The following TNRC6B variants were observed in gnomAD, a reference collection of about 807,000 sequenced individuals.
TNRC6B encodes the protein trinucleotide repeat containing adaptor 6B.
A neutral mutation model predicts 203.6 loss-of-function variants in TNRC6B; 52 were observed. The observed-to-expected ratio is 0.26, with a 90% confidence interval of 0.20 to 0.32. TNRC6B has a LOEUF of 0.32. Ranked by LOEUF, TNRC6B falls within the 10% of genes least tolerant of loss-of-function variation. TNRC6B has a pLI of 1.00. For synonymous variants in TNRC6B, 838 were observed against 845.7 expected, an observed-to-expected ratio of 0.99 and a Z score of 0.16; for missense variants, 1,923 against 2,286.2, an observed-to-expected ratio of 0.84 and a Z score of 3.24.
At chr22:40,134,258 C>A (rs2146332267) in intron 3 of TNRC6B, among the ~76,000 whole-genome samples, 1 of 152,306 alleles carries the variant, frequency 6.6e-6, no homozygotes, top group African/African-American at 2.4e-5. Context: ...CATTTTTATA[C>A]TTTGTACCCT....
intron 1 of TNRC6B, among the ~76,000 whole-genome samples, chr22:40,093,792 T>C (rs1224818384): frequency 6.6e-6 from 1 of 152,244 alleles, no homozygotes; most frequent in Non-Finnish European, 1.5e-5. Flanking sequence ...GTTGTTTAAC[T>C]TCTCCGTTTC....
At chr22:40,071,616 C>T (rs1355898070) in intron 1 of TNRC6B, among the ~76,000 whole-genome samples, 2 of 152,162 alleles carry the variant, frequency 1.3e-5, no homozygotes, top group Non-Finnish European at 2.9e-5. Flanking sequence ...TACTGCGCCC[C>T]TCACTCCTCC....
intron 1 of TNRC6B, among the ~76,000 whole-genome samples, chr22:40,239,202 CAAAAA>C (rs990576695): frequency 2.6e-5 from 4 of 152,042 alleles, no homozygotes; most frequent in African/African-American, 9.7e-5. Context: ...GACTCCATCT[CAAAAA>C]GAAAAGAAAA....
chr22:40,315,761 G>A (rs2071249113), intron 20 of TNRC6B, among the ~76,000 whole-genome samples, 181 bp from the exon 21 acceptor site: 1 of 151,992 alleles, frequency 6.6e-6, no homozygotes, highest in Admixed American at 6.5e-5. Context: ...TTGCAAATCA[G>A]GCATAAAAGT....
chr22:40,238,155 A>G (rs2069973641), intron 1 of TNRC6B, among the ~76,000 whole-genome samples: 1 of 152,130 alleles, frequency 6.6e-6, no homozygotes, highest in African/African-American at 2.4e-5. Flanking sequence ...TGCCACGGAC[A>G]TAGGGCAGGG....
intron 1 of TNRC6B, among the ~76,000 whole-genome samples, chr22:40,192,374 T>C (rs1200216724): frequency 1.3e-5 from 2 of 152,042 alleles, no homozygotes; most frequent in African/African-American, 4.8e-5. Flanking sequence ...TCCCAGCACT[T>C]TGGGAGGCTA....
At chr22:40,079,413 G>A (rs1357099458) in intron 1 of TNRC6B, among the ~76,000 whole-genome samples, 1 of 151,868 alleles carries the variant, frequency 6.6e-6, no homozygotes, top group Non-Finnish European at 1.5e-5. Context: ...CCTGAATGTT[G>A]GTAAGCAAGC....
At chr22:40,072,909 A>C (rs1029292688) in intron 1 of TNRC6B, among the ~76,000 whole-genome samples, 2 of 149,500 alleles carry the variant, frequency 1.3e-5, no homozygotes, top group Admixed American at 6.7e-5. Flanking sequence ...CAGTGGAGGT[A>C]TAGAGCATTG....
intron 16 of TNRC6B, among the ~76,000 whole-genome samples, chr22:40,309,549 T>C (rs1402048851): frequency 6.6e-6 from 1 of 152,242 alleles, no homozygotes; most frequent in African/African-American, 2.4e-5. Context: ...TTTATTGAAA[T>C]TGTAAAATCT....
Position 40,327,967 on chromosome 22 carries a change from A to C in TNRC6B, c.*4726A>C, listed in dbSNP as rs1384877066. ...CCACACGAGTAGCCAAAAGAAAAGAAGCACTAATAGAGAAAGGGGTGTCTC... is the reference window on the plus strand; with the variant it reads ...CCACACGAGTAGCCAAAAGAAAAGACGCACTAATAGAGAAAGGGGTGTCTC... On this transcript the variant is annotated 3_prime_UTR_variant, in exon 23 of 23. Coordinates refer to ENST00000454349, the MANE Select transcript of TNRC6B (RefSeq NM_001162501.2). The C allele has an allele frequency of 1.3e-5, 2 of 152,168 alleles. No individual in the cohort carries two copies. The highest frequency in any genetic ancestry group is 4.8e-5 in the African/African-American group (2 of 41,432). 9.4% of individuals were successfully genotyped at this position (152,168 alleles called of 1,614,324 possible).
intron 10 of TNRC6B, 78 bp from the exon 11 acceptor site, chr22:40,281,039 TTC>T (rs2070715778): frequency 2.5e-6 from 3 of 1,198,808 alleles, no homozygotes; most frequent in South Asian, 1.7e-5. Flanking sequence ...TTGCTAGTGT[TTC>T]TCTCTTTTCC....
At chr22:40,226,638 C>T (rs1297620946) in intron 1 of TNRC6B, among the ~76,000 whole-genome samples, 2 of 152,210 alleles carry the variant, frequency 1.3e-5, no homozygotes. Flanking sequence ...GATATGCATC[C>T]TCCTAGAGTT....
intron 1 of TNRC6B, among the ~76,000 whole-genome samples, chr22:40,202,771 G>A (rs924032130): frequency 2.6e-5 from 4 of 152,074 alleles, no homozygotes; most frequent in Admixed American, 1.3e-4. Flanking sequence ...AGTAGACTGC[G>A]TGGAGGGGAT....
chr22:40,253,844 A>G (rs1457585454), intron 3 of TNRC6B, among the ~76,000 whole-genome samples: 2 of 151,996 alleles, frequency 1.3e-5, no homozygotes, highest in Non-Finnish European at 2.9e-5. Context: ...ACCTCAGCTG[A>G]CATGTCTGGG....
At chr22:40,263,291 C>A (rs2070415375) in intron 4 of TNRC6B, among the ~76,000 whole-genome samples, 1 of 152,182 alleles carries the variant, frequency 6.6e-6, no homozygotes, top group South Asian at 2.1e-4. Context: ...AAAATTTGGT[C>A]ACCATCTTGC....
At chr22:40,199,658 C>A (rs2069384320) in intron 1 of TNRC6B, among the ~76,000 whole-genome samples, 1 of 152,092 alleles carries the variant, frequency 6.6e-6, no homozygotes, top group African/African-American at 2.4e-5. Flanking sequence ...GATCTTTTTA[C>A]TATAAAGGCT....
chr22:40,315,611 T>C (rs1388065239), intron 20 of TNRC6B, 104 bp downstream of exon 20: 8 of 1,283,070 alleles, frequency 6.2e-6, no homozygotes, highest in Non-Finnish European at 8.6e-6. Flanking sequence ...GAGGAAGTCA[T>C]GGTTGTCTGC....
At chr22:40,177,082 T>G (rs1023348768), upstream of TNRC6B, among the ~76,000 whole-genome samples, 2 of 151,878 alleles carry the variant, frequency 1.3e-5, no homozygotes, top group Admixed American at 6.6e-5. Flanking sequence ...CGAGCTTGGG[T>G]TTCTTAAGTG....
At chr22:40,286,222 A>C (rs1472160925) in intron 12 of TNRC6B, among the ~76,000 whole-genome samples, 1 of 152,258 alleles carries the variant, frequency 6.6e-6, no homozygotes, top group East Asian at 1.9e-4. Flanking sequence ...CTGTAATCCC[A>C]GCACTTTGGG....
Sources: gnomAD v4.1 joint callset for allele counts (sites outside exome capture counted in the v4.1 genomes callset) on GRCh38, gnomAD v4.1.1 for gene constraint, MANE v1.5 for transcripts, NCBI Gene and HGNC (gene_info 2026-07-23, HGNC 2026-07-21) for gene names.